Variants in COL11A1 observed in about 807,000 individuals in gnomAD.
The protein encoded by COL11A1 is collagen type XI alpha 1 chain, also known as collagen alpha-1(XI) chain.
A neutral mutation model predicts 265.2 loss-of-function variants in COL11A1; 74 were observed. The ratio of observed to expected loss-of-function variants is 0.28; its 90% CI spans 0.23 to 0.34. The LOEUF (loss-of-function observed/expected upper bound fraction) is 0.34, where lower values mean the gene tolerates loss of function less well. Ranked by LOEUF, COL11A1 falls within the 10% of genes least tolerant of loss-of-function variation. The pLI, the probability that COL11A1 is intolerant of heterozygous loss-of-function variation, is 1.00. For missense variants in COL11A1, 2,165 were observed against 2,263.6 expected (o/e 0.96, Z 0.88); for synonymous variants, 816 against 727.6 (o/e 1.12, Z -1.96).
At chr1:103,097,020 A>G (rs998794116) in intron 1 of COL11A1, among the ~76,000 whole-genome samples, 4 of 152,034 alleles carry the variant, frequency 2.6e-5, no homozygotes, top group African/African-American at 7.2e-5. Context: ...AAATGTACTA[A>G]TTACTGTTGA....
At chr1:103,006,365 A>C in intron 15 of COL11A1, 50 bp from the exon 16 acceptor site, 1 of 1,417,618 alleles carries the variant, frequency 7.1e-7, no homozygotes, top group Non-Finnish European at 9.9e-7. Flanking sequence ...CTTGATCAAT[A>C]AACTCAATAG....
At chr1:102,926,754 T>C (rs186731827) in intron 46 of COL11A1, among the ~76,000 whole-genome samples, 226 of 152,218 alleles carry the variant, frequency 1.5e-3, no homozygotes, top group African/African-American at 5.3e-3. Context: ...TAAATTACAG[T>C]TTTATAGGAT....
chr1:103,050,382 G>A (rs1231767581), intron 4 of COL11A1, among the ~76,000 whole-genome samples: 4 of 152,060 alleles, frequency 2.6e-5, no homozygotes, highest in African/African-American at 7.3e-5. Flanking sequence ...CTTTCTTCCA[G>A]TTGATCGCAT....
intron 4 of COL11A1, among the ~76,000 whole-genome samples, chr1:103,065,737 G>T (rs547347311): frequency 5.7e-4 from 85 of 149,106 alleles, no homozygotes; most frequent in Non-Finnish European, 6.3e-4. Flanking sequence ...TAGCAGCAAA[G>T]TAGAAACTTT....
At chr1:102,943,598 C>G (rs1658968608) in intron 42 of COL11A1, among the ~76,000 whole-genome samples, 1 of 152,070 alleles carries the variant, frequency 6.6e-6, no homozygotes, top group African/African-American at 2.4e-5. Flanking sequence ...AACACTACAT[C>G]ACGTGGTAAT....
At position 102,914,830 on chromosome 1, in the gene COL11A1, A is replaced by AG; in HGVS notation, c.3817-20_3817-19insC. The AG allele has an allele frequency of 1.3e-6, 2 of 1,567,532 alleles. No homozygotes were observed. Among genetic ancestry groups the AG allele is most frequent in the Non-Finnish European group, 1.7e-6 (2 of 1,144,562 alleles). ...TGGGACCCTAAACAATGTTAAAAAA[A>AG]AAAAAAGAAGAAGAAGGAAAGAAGA... On this transcript the variant is annotated intron_variant, in intron 50 of 66. Transcript: ENST00000370096.
At position 103,108,189 on chromosome 1, in the gene COL11A1, C is replaced by T. The variant is rs1319474392; in HGVS notation, c.-11G>A. 1 of 1,611,422 alleles carries T rather than the reference C, an allele frequency of 6.2e-7. No homozygotes were observed. On this transcript the variant is annotated 5_prime_UTR_variant, in exon 1 of 67. Transcript: ENST00000370096. ...GGACCACGGCTCCATCTCCGAGCCC[C>T]GCACTCACAACTGTGAACTCAACCC...
intron 62 of COL11A1, among the ~76,000 whole-genome samples, chr1:102,887,985 C>T (rs1651219725): frequency 6.6e-6 from 1 of 152,110 alleles, no homozygotes; most frequent in African/African-American, 2.4e-5. Context: ...GGAGACAATA[C>T]ATTTTTGTGG....
chr1:102,912,171 A>C lies in COL11A1; in HGVS notation c.4074T>G (p.Pro1358=). The C allele has an allele frequency of 6.2e-7, 1 of 1,611,428 alleles. No homozygotes were observed. Among genetic ancestry groups the C allele is most frequent in the Non-Finnish European group, 8.5e-7 (1 of 1,178,784 alleles). ...GPSGEAGPPG[P]PGKRGPPGAA... is the part of the protein sequence containing the mutation. ...TAAAGAAACTTACTCGTTTTCCAGG[A>C]GGACCTGGTGGGCCAGCCTCACCAG... The change falls in exon 54 of 67, where the codon CCT becomes CCG. Residue 1358 remains proline (P), a synonymous_variant. Transcript: ENST00000370096.
intron 36 of COL11A1, among the ~76,000 whole-genome samples, chr1:102,970,501 A>T (rs1231428680): frequency 6.6e-6 from 1 of 152,190 alleles, no homozygotes; most frequent in Non-Finnish European, 1.5e-5. Flanking sequence ...TGAATATTTT[A>T]CATTTAAATA....
intron 58 of COL11A1, 149 bp downstream of exon 58, chr1:102,890,302 T>C: frequency 1.5e-6 from 1 of 680,338 alleles, no homozygotes; most frequent in Non-Finnish European, 2.5e-6. Flanking sequence ...TCTACATACA[T>C]CTGGGAAGCT....
chr1:102,923,216 G>T, intron 47 of COL11A1, 120 bp downstream of exon 47: 1 of 796,392 alleles, frequency 1.3e-6, no homozygotes. Flanking sequence ...AATCATGTCA[G>T]TTGCTTATAT....
intron 46 of COL11A1, among the ~76,000 whole-genome samples, chr1:102,927,890 T>A (rs929976366): frequency 2.0e-5 from 3 of 152,166 alleles, no homozygotes; most frequent in Non-Finnish European, 4.4e-5. Context: ...CAGTTGCTTT[T>A]GGCAGGATCC....
chr1:103,082,650 A>G (rs771039687), intron 2 of COL11A1, among the ~76,000 whole-genome samples, 155 bp downstream of exon 2: 17 of 152,204 alleles, frequency 1.1e-4, no homozygotes, highest in Middle Eastern at 3.4e-3. Context: ...TTGGTGTCTG[A>G]TATAAGAAAG....
At chr1:103,065,167 G>T (rs193278376) in intron 4 of COL11A1, among the ~76,000 whole-genome samples, 1 of 75,360 alleles carries the variant, frequency 1.3e-5, no homozygotes, top group South Asian at 6.6e-4. Flanking sequence ...GGAACTCCCC[G>T]TCCTTTCTGC....
intron 57 of COL11A1, among the ~76,000 whole-genome samples, chr1:102,891,376 T>C (rs1020021183): frequency 1.3e-5 from 2 of 150,928 alleles, no homozygotes; most frequent in Non-Finnish European, 3.0e-5. Context: ...TTTATGAAAT[T>C]AATAAAGAAA....
intron 1 of COL11A1, among the ~76,000 whole-genome samples, chr1:103,096,713 G>T (rs552567434): frequency 6.6e-6 from 1 of 151,892 alleles, no homozygotes; most frequent in East Asian, 1.9e-4. Context: ...AGAACTTTAA[G>T]ACTTAAAAAA....
chr1:102,886,064 G>A (rs1312204978), intron 63 of COL11A1, among the ~76,000 whole-genome samples: 1 of 152,124 alleles, frequency 6.6e-6, no homozygotes, highest in Non-Finnish European at 1.5e-5. Context: ...TTTCTACAGA[G>A]TAAAGGGGAG....
chr1:102,990,029 A>T (rs1663975762), intron 28 of COL11A1, among the ~76,000 whole-genome samples: 1 of 152,004 alleles, frequency 6.6e-6, no homozygotes. Flanking sequence ...TACAAAAAAT[A>T]CAAAAATTAG....
Sources: gnomAD v4.1 joint callset for allele counts (sites outside exome capture counted in the v4.1 genomes callset) on GRCh38, gnomAD v4.1.1 for gene constraint, MANE v1.5 for transcripts, NCBI Gene and HGNC (gene_info 2026-07-23, HGNC 2026-07-21) for gene names.